The following LINGO2 variants were observed in gnomAD, a reference collection of about 807,000 sequenced individuals.
The protein encoded by LINGO2 is leucine rich repeat and Ig domain containing 2, also known as leucine-rich repeat and immunoglobulin-like domain-containing nogo receptor-interacting protein 2.
A neutral mutation model predicts 30.6 loss-of-function variants in LINGO2; 14 were observed. The ratio of observed to expected loss-of-function variants is 0.46; its 90% CI spans 0.30 to 0.72. LINGO2 has a LOEUF of 0.72. LINGO2 is among the 30% of genes least tolerant of loss of function. The probability of loss-of-function intolerance (pLI) is 0.07; values close to 1 mark genes in which losing one functional copy is unlikely to be tolerated. For missense variants in LINGO2, 729 were observed against 751.7 expected (o/e 0.97, Z 0.35); for synonymous variants, 317 against 288.5 (o/e 1.10, Z -1.00).
chr9:29,060,247 C>T, the LINGO2 span, among the ~76,000 whole-genome samples: 1 of 151,966 alleles, frequency 6.6e-6, no homozygotes, highest in Non-Finnish European at 1.5e-5. Flanking sequence ...TGAGCCACTA[C>T]AGACCAGAGA....
the LINGO2 span, among the ~76,000 whole-genome samples, chr9:29,127,028 G>T: frequency 2.6e-5 from 4 of 151,984 alleles, no homozygotes; most frequent in African/African-American, 9.7e-5. Context: ...GTGTATTTTT[G>T]TTACTTCACC....
chr9:28,426,365 A>G (rs547823687), intron 2 of LINGO2, among the ~76,000 whole-genome samples: 2 of 152,230 alleles, frequency 1.3e-5, no homozygotes, highest in South Asian at 4.1e-4. Context: ...CTAATCTCAT[A>G]TATCTGAAAA....
intron 2 of LINGO2, among the ~76,000 whole-genome samples, chr9:28,429,854 T>G (rs1823576250): frequency 6.6e-6 from 1 of 151,848 alleles, no homozygotes; most frequent in African/African-American, 2.4e-5. Context: ...GAGGGAGGGA[T>G]GTAAGAAACT....
At chr9:28,353,410 C>G (rs1418581563) in intron 3 of LINGO2, among the ~76,000 whole-genome samples, 13 of 150,884 alleles carry the variant, frequency 8.6e-5, no homozygotes, top group Non-Finnish European at 1.2e-4. Flanking sequence ...AAATGCTCAT[C>G]ATCACTGGCC....
At chr9:29,141,615 T>C in the LINGO2 span, among the ~76,000 whole-genome samples, 1 of 151,574 alleles carries the variant, frequency 6.6e-6, no homozygotes, top group African/African-American at 2.4e-5. Context: ...AGTAGATGAA[T>C]AGATGAAAAA....
the LINGO2 span, among the ~76,000 whole-genome samples, chr9:28,874,047 C>T: frequency 6.6e-6 from 1 of 151,968 alleles, no homozygotes; most frequent in Admixed American, 6.6e-5. Flanking sequence ...AATTGCTTGA[C>T]TTAAACAATT....
chr9:28,901,441 G>A, the LINGO2 span, among the ~76,000 whole-genome samples: 1 of 152,068 alleles, frequency 6.6e-6, no homozygotes, highest in Non-Finnish European at 1.5e-5. Flanking sequence ...GTGGGTCTGT[G>A]CAATCACTTA....
chr9:28,777,768 T>C, the LINGO2 span, among the ~76,000 whole-genome samples: 2 of 152,148 alleles, frequency 1.3e-5, no homozygotes, highest in Non-Finnish European at 2.9e-5. Flanking sequence ...AGTGGCTGAG[T>C]TGCTCGTGTT....
intron 5 of LINGO2, among the ~76,000 whole-genome samples, chr9:27,992,123 C>T (rs998561521): frequency 6.6e-6 from 1 of 151,982 alleles, no homozygotes; most frequent in African/African-American, 2.4e-5. Flanking sequence ...AGGCTGTGGC[C>T]CCCAAATAAC....
intron 3 of LINGO2, among the ~76,000 whole-genome samples, chr9:28,333,325 C>G (rs1198253723): frequency 6.6e-6 from 1 of 152,126 alleles, no homozygotes; most frequent in African/African-American, 2.4e-5. Flanking sequence ...AGAGACCTTT[C>G]AGTGTAAGGG....
the LINGO2 span, among the ~76,000 whole-genome samples, chr9:28,838,551 A>G: frequency 0.066 from 10,113 of 152,258 alleles, 441 homozygotes; most frequent in Non-Finnish European, 0.1. Context: ...AATCTTCCCT[A>G]TCTCAGCAAA....
intron 4 of LINGO2, among the ~76,000 whole-genome samples, chr9:28,167,418 T>A (rs778417134): frequency 1.1e-4 from 17 of 152,240 alleles, no homozygotes; most frequent in Non-Finnish European, 2.1e-4. Flanking sequence ...TCTCCCTCTG[T>A]TGCCCCAGCT....
the LINGO2 span, among the ~76,000 whole-genome samples, chr9:28,921,992 T>C: frequency 1.3e-5 from 2 of 152,150 alleles, no homozygotes; most frequent in Non-Finnish European, 2.9e-5. Context: ...AGTCTCTAGG[T>C]TCCTGTCACT....
chr9:29,086,567 G>T, the LINGO2 span, among the ~76,000 whole-genome samples: 1 of 152,008 alleles, frequency 6.6e-6, no homozygotes, highest in Non-Finnish European at 1.5e-5. Context: ...ATGTTTCTAC[G>T]TAAAGTCTAT....
chr9:28,174,509 A>G (rs1297404984), intron 4 of LINGO2, among the ~76,000 whole-genome samples: 1 of 152,112 alleles, frequency 6.6e-6, no homozygotes, highest in Non-Finnish European at 1.5e-5. Flanking sequence ...ACACACACAA[A>G]CACACACACA....
chr9:29,173,841 A>G, the LINGO2 span, among the ~76,000 whole-genome samples: 1 of 152,124 alleles, frequency 6.6e-6, no homozygotes, highest in Admixed American at 6.5e-5. Flanking sequence ...CATCTAAGGC[A>G]AGAAGTAAAA....
the LINGO2 span, among the ~76,000 whole-genome samples, chr9:28,919,474 G>A: frequency 6.6e-6 from 1 of 152,104 alleles, no homozygotes; most frequent in Admixed American, 6.6e-5. Context: ...TTATGAATAA[G>A]TAACATCACT....
At chr9:28,387,557 T>G (rs778327741) in intron 2 of LINGO2, among the ~76,000 whole-genome samples, 2 of 152,228 alleles carry the variant, frequency 1.3e-5, no homozygotes, top group African/African-American at 4.8e-5. Flanking sequence ...GCTCACTCTT[T>G]GGGTCCACAC....
chr9:28,845,553 A>C, the LINGO2 span, among the ~76,000 whole-genome samples: 1 of 151,916 alleles, frequency 6.6e-6, no homozygotes, highest in African/African-American at 2.4e-5. Flanking sequence ...TCAAAGAGGA[A>C]TAATTAAAAG....
Sources: allele counts gnomAD v4.1 joint callset (sites outside exome capture counted in the v4.1 genomes callset), GRCh38; gene constraint gnomAD v4.1.1; transcripts MANE v1.5; gene names NCBI Gene and HGNC (gene_info 2026-07-23, HGNC 2026-07-21).